The following RNF150 variants were observed in gnomAD, a reference collection of about 807,000 sequenced individuals.
RNF150 encodes the protein ring finger protein 150.
Under a neutral mutation model 39.3 loss-of-function variants are expected in RNF150, and 24 were observed. The ratio of observed to expected loss-of-function variants is 0.61; its 90% CI spans 0.44 to 0.86. RNF150 has a LOEUF of 0.86. Ranked by LOEUF, RNF150 falls within the 40% of genes least tolerant of loss-of-function variation. The pLI, the probability that RNF150 is intolerant of heterozygous loss-of-function variation, is 0.00. For missense variants in RNF150, 502 were observed against 587.8 expected, an observed-to-expected ratio of 0.85 and a Z score of 1.51; for synonymous variants, 255 against 227.3, an observed-to-expected ratio of 1.12 and a Z score of -1.10.
chr4:141,038,869 A>G (rs916937768), intron 1 of RNF150, among the ~76,000 whole-genome samples: 1 of 152,176 alleles, frequency 6.6e-6, no homozygotes, highest in South Asian at 2.1e-4. Flanking sequence ...TAATGCCAGA[A>G]GAGGAAGAAC....
intron 1 of RNF150, among the ~76,000 whole-genome samples, chr4:141,187,810 G>A (rs1728039190): frequency 6.6e-6 from 1 of 152,142 alleles, no homozygotes; most frequent in Non-Finnish European, 1.5e-5. Flanking sequence ...CAATTTGCCA[G>A]TCTGTGTCTT....
intron 6 of RNF150, among the ~76,000 whole-genome samples, chr4:140,892,802 CTGT>C (rs1272972349): frequency 6.6e-6 from 1 of 152,158 alleles, no homozygotes. Context: ...TGGCTCATGC[CTGT>C]AATCCCAGCA....
intron 6 of RNF150, among the ~76,000 whole-genome samples, chr4:140,884,579 C>T (rs950252199): frequency 5.3e-5 from 8 of 152,178 alleles, no homozygotes; most frequent in Non-Finnish European, 1.2e-4. Context: ...TCCCCAGTGT[C>T]TGCATCACTG....
chr4:141,065,083 T>G (rs893649551), intron 1 of RNF150, among the ~76,000 whole-genome samples: 1 of 152,342 alleles, frequency 6.6e-6, no homozygotes, highest in South Asian at 2.1e-4. Context: ...CAGGCTGATC[T>G]TGATCTCCTG....
intron 1 of RNF150, among the ~76,000 whole-genome samples, chr4:141,162,970 GA>G (rs1727540572): frequency 6.6e-6 from 1 of 152,182 alleles, no homozygotes; most frequent in African/African-American, 2.4e-5. Context: ...CACTCCCCTG[GA>G]AGGGGGCTGA....
chr4:141,123,905 T>C (rs1560750139), intron 1 of RNF150, among the ~76,000 whole-genome samples: 1 of 152,246 alleles, frequency 6.6e-6, no homozygotes, highest in Admixed American at 6.5e-5. Context: ...GGCTGCATAG[T>C]ATTCCATGGT....
In RNF150 at chr4:141,168,271, C is replaced by T. The variant is rs781088152; in HGVS notation, c.-6+44523G>A. Among the ~76,000 whole-genome samples, 5 of 152,106 alleles carry T rather than the reference C, an allele frequency of 3.3e-5. No individual in the cohort carries two copies. The South Asian group carries it at 6.2e-4, about 19-fold the overall frequency. ...TACCATCTCACACGAGTTAGAATGA[C>T]GATCATTAAAAAGTCAGAAAACAAC... On this transcript the variant is annotated intron_variant, in intron 1 of 7. Transcript: ENST00000420921.
At chr4:140,981,131 T>C (rs766334918) in intron 1 of RNF150, among the ~76,000 whole-genome samples, 78 of 152,250 alleles carry the variant, frequency 5.1e-4, no homozygotes, top group Admixed American at 3.1e-3. Flanking sequence ...GTTTTCCCTA[T>C]AGTAAGATGA....
chr4:141,000,063 A>G (rs1182657508), intron 1 of RNF150, among the ~76,000 whole-genome samples: 2,329 of 93,292 alleles, frequency 0.025, 452 homozygotes, highest in Middle Eastern at 0.06. Flanking sequence ...GAAGAAGAAG[A>G]AGAAGAAGAA....
rs990642718 is a variant in RNF150, at chr4:141,157,436, G to T, written c.-6+55358C>A. Among the ~76,000 whole-genome samples the T allele has an allele frequency of 3.3e-5, 5 of 152,178 alleles. No individual in the cohort carries two copies. In the East Asian group the frequency reaches 9.6e-4, roughly 29 times the overall value. ...ACCAGTGATTCATAGTACAGAGCAG[G>T]TTGAACCTCAGAGCAAAACTAGGGC... On this transcript the variant is annotated intron_variant, in intron 1 of 7. Transcript: ENST00000420921.
upstream of RNF150, among the ~76,000 whole-genome samples, chr4:141,134,099 G>T (rs1726982884): frequency 6.6e-6 from 1 of 152,224 alleles, no homozygotes; most frequent in Admixed American, 6.5e-5. Context: ...TCTGTAAGAA[G>T]AGAAACCGGG....
intron 1 of RNF150, among the ~76,000 whole-genome samples, chr4:141,173,010 G>A (rs1392623564): frequency 6.6e-6 from 1 of 151,468 alleles, no homozygotes; most frequent in Non-Finnish European, 1.5e-5. Flanking sequence ...TGGGCAACAA[G>A]AGTGAAACTC....
intron 1 of RNF150, among the ~76,000 whole-genome samples, chr4:141,164,395 G>C (rs1727566053): frequency 6.6e-6 from 1 of 152,118 alleles, no homozygotes; most frequent in South Asian, 2.1e-4. Context: ...ATATTATCCA[G>C]GAGAACTTCC....
At chr4:141,172,874 A>C (rs893990661) in intron 1 of RNF150, among the ~76,000 whole-genome samples, 1 of 152,048 alleles carries the variant, frequency 6.6e-6, no homozygotes, top group African/African-American at 2.4e-5. Flanking sequence ...AAAATACAAA[A>C]AATTAGCCGG....
At chr4:141,144,184 G>T (rs908369451) in intron 1 of RNF150, among the ~76,000 whole-genome samples, 2 of 152,106 alleles carry the variant, frequency 1.3e-5, no homozygotes, top group Non-Finnish European at 2.9e-5. Flanking sequence ...TTGGATGCAG[G>T]TAGTATTTAC....
At chr4:141,204,557 T>A (rs1728343649) in intron 1 of RNF150, among the ~76,000 whole-genome samples, 1 of 152,122 alleles carries the variant, frequency 6.6e-6, no homozygotes, top group Non-Finnish European at 1.5e-5. Context: ...GTATGTGCCA[T>A]TTAAGTTGAG....
At chr4:141,072,251 T>C (rs1737735564) in intron 1 of RNF150, among the ~76,000 whole-genome samples, 1 of 152,202 alleles carries the variant, frequency 6.6e-6, no homozygotes, top group South Asian at 2.1e-4. Context: ...AACGAAAGGA[T>C]GAAATTTTGT....
At chr4:141,098,838 T>G (rs1738899932) in intron 1 of RNF150, among the ~76,000 whole-genome samples, 1 of 152,210 alleles carries the variant, frequency 6.6e-6, no homozygotes, top group African/African-American at 2.4e-5. Context: ...AAGTCAAGGA[T>G]AGAGACATCA....
At chr4:140,959,694 C>T (rs145018570) in intron 2 of RNF150, among the ~76,000 whole-genome samples, 2 of 152,136 alleles carry the variant, frequency 1.3e-5, no homozygotes, top group Admixed American at 1.3e-4. Flanking sequence ...TGAGGCTGTC[C>T]TTGGTCTTTG....
Sources: gnomAD v4.1 joint callset for allele counts (sites outside exome capture counted in the v4.1 genomes callset) on GRCh38, gnomAD v4.1.1 for gene constraint, MANE v1.5 for transcripts, NCBI Gene and HGNC (gene_info 2026-07-23, HGNC 2026-07-21) for gene names.